The following UMAD1 variants were observed in gnomAD, a reference collection of about 807,000 sequenced individuals.
The protein encoded by UMAD1 is UBAP1-MVB12-associated (UMA) domain containing 1, also known as UBAP1-MVB12-associated (UMA)-domain containing protein 1.
UMAD1 carries 8 observed loss-of-function variants against 6.1 expected under a neutral mutation model. The ratio of observed to expected loss-of-function variants is 1.30; its 90% CI spans 0.76 to 2.35. The LOEUF is 2.35. Ranked by LOEUF, UMAD1 falls within the 30% of genes most tolerant of loss-of-function variation. UMAD1 has a pLI of 0.00. For synonymous variants in UMAD1, 56 were observed against 31.4 expected (o/e 1.78, Z -2.61); for missense variants, 130 against 78.4 (o/e 1.66, Z -2.49).
chr7:7,785,635 G>A (rs1012136641), intron 2 of UMAD1, among the ~76,000 whole-genome samples: 2 of 152,226 alleles, frequency 1.3e-5, no homozygotes, highest in African/African-American at 4.8e-5. Context: ...TTGCGTGGCC[G>A]CTTGTGGAAA....
At chr7:7,768,377 A>G (rs1782036000) in intron 2 of UMAD1, among the ~76,000 whole-genome samples, 1 of 152,170 alleles carries the variant, frequency 6.6e-6, no homozygotes, top group South Asian at 2.1e-4. Flanking sequence ...ATTTGGGCTT[A>G]CTTGTCCCAC....
rs577557251 is a variant in UMAD1, at chr7:7,798,409, G to C, written c.83-3261G>C. Among the ~76,000 whole-genome samples the C allele has an allele frequency of 4.6e-5, 7 of 152,264 alleles. No homozygotes were observed. The South Asian group carries it at 1.4e-3, about 32-fold the overall frequency. Reference sequence around the variant, plus strand: ...GATAATTTTTACATCTTGTAAAATTGTTTCCAGCCTTAAAAACTTCCTGAA... The same window carrying C: ...GATAATTTTTACATCTTGTAAAATTCTTTCCAGCCTTAAAAACTTCCTGAA... On this transcript the variant is annotated intron_variant, in intron 2 of 3. Coordinates refer to ENST00000682710, the MANE Select transcript of UMAD1 (RefSeq NM_001302348.2).
Position 7,767,892 on chromosome 7 carries a change from A to G in UMAD1, c.83-33778A>G, listed in dbSNP as rs1052962078. ...ACTGCCTTATATCCTTAAATACTGTATATGCTTTCTTGCTTCTTCATTCTA... is the reference window on the plus strand; with the variant it reads ...ACTGCCTTATATCCTTAAATACTGTGTATGCTTTCTTGCTTCTTCATTCTA... On this transcript the variant is annotated intron_variant, in intron 2 of 3. Coordinates refer to ENST00000682710, the MANE Select transcript of UMAD1 (RefSeq NM_001302348.2). 8.5e-5 allele frequency among the ~76,000 whole-genome samples: 13 copies of G among 152,246 alleles called. No individual in the cohort carries two copies. The East Asian group carries it at 2.5e-3, about 29-fold the overall frequency.
At chr7:7,811,052 T>G (rs977758114) in intron 3 of UMAD1, among the ~76,000 whole-genome samples, 1 of 152,194 alleles carries the variant, frequency 6.6e-6, no homozygotes, top group African/African-American at 2.4e-5. Context: ...GTCAATGTCA[T>G]TGAATCACTT....
intron 2 of UMAD1, among the ~76,000 whole-genome samples, chr7:7,700,387 A>G (rs1780429733): frequency 6.6e-6 from 1 of 152,196 alleles, no homozygotes; most frequent in Admixed American, 6.6e-5. Context: ...AGGGAACACA[A>G]ATATTCAGTG....
intron 2 of UMAD1, among the ~76,000 whole-genome samples, chr7:7,703,632 G>T (rs185295484): frequency 3.1e-4 from 47 of 152,242 alleles, no homozygotes; most frequent in Admixed American, 1.6e-3. Context: ...CAGGGCCAAA[G>T]TTCAGTTCCT....
At chr7:7,756,077 A>C (rs1781769692) in intron 2 of UMAD1, among the ~76,000 whole-genome samples, 1 of 152,248 alleles carries the variant, frequency 6.6e-6, no homozygotes, top group African/African-American at 2.4e-5. Flanking sequence ...AGACTTAATC[A>C]GAAAGAAAGG....
chr7:7,817,429 A>G (rs572368250), intron 3 of UMAD1, among the ~76,000 whole-genome samples: 196 of 152,358 alleles, frequency 1.3e-3, no homozygotes, highest in African/African-American at 4.5e-3. Context: ...CTTAACCATG[A>G]AAAGCTCTAA....
intron 1 of UMAD1, among the ~76,000 whole-genome samples, chr7:7,644,291 T>C (rs998080264): frequency 1.1e-4 from 16 of 152,092 alleles, no homozygotes; most frequent in Non-Finnish European, 1.9e-4. Context: ...TAGTGAGATA[T>C]TGTAATGGTA....
At chr7:7,684,767 T>C (rs1780000922) in intron 2 of UMAD1, among the ~76,000 whole-genome samples, 1 of 152,224 alleles carries the variant, frequency 6.6e-6, no homozygotes. Flanking sequence ...ACCCGTAAAC[T>C]TTTCAAACCA....
At chr7:7,675,596 T>C (rs1471431910) in intron 2 of UMAD1, among the ~76,000 whole-genome samples, 1 of 152,172 alleles carries the variant, frequency 6.6e-6, no homozygotes, top group Admixed American at 6.5e-5. Context: ...AACTTCCAAA[T>C]TTCGTATTTT....
intron 2 of UMAD1, among the ~76,000 whole-genome samples, chr7:7,784,732 T>G (rs937979925): frequency 6.6e-6 from 1 of 151,632 alleles, no homozygotes; most frequent in East Asian, 1.9e-4. Context: ...TGAATATGTT[T>G]TACATTAGCT....
intron 3 of UMAD1, among the ~76,000 whole-genome samples, chr7:7,836,446 C>G (rs1324818888): frequency 1.3e-5 from 2 of 151,854 alleles, no homozygotes; most frequent in African/African-American, 4.8e-5. Flanking sequence ...CTGTTTCATG[C>G]TATAATTTAT....
intron 3 of UMAD1, among the ~76,000 whole-genome samples, chr7:7,837,496 C>G (rs1783592752): frequency 6.6e-6 from 1 of 152,092 alleles, no homozygotes; most frequent in South Asian, 2.1e-4. Flanking sequence ...ATTCTAAAGT[C>G]CTTGCTTTAT....
chr7:7,786,437 C>A (rs562131227), intron 2 of UMAD1, among the ~76,000 whole-genome samples: 5 of 152,120 alleles, frequency 3.3e-5, no homozygotes, highest in Non-Finnish European at 5.9e-5. Flanking sequence ...TGGTGCACAG[C>A]TCCTGTTCGT....
intron 3 of UMAD1, among the ~76,000 whole-genome samples, chr7:7,859,347 T>G (rs1784073758): frequency 6.6e-6 from 1 of 152,232 alleles, no homozygotes; most frequent in Non-Finnish European, 1.5e-5. Context: ...TTTATGTTTC[T>G]TACCATAATC....
chr7:7,770,099 A>G (rs1315143159), intron 2 of UMAD1, among the ~76,000 whole-genome samples: 1 of 152,142 alleles, frequency 6.6e-6, no homozygotes, highest in Non-Finnish European at 1.5e-5. Flanking sequence ...CGCTGTTCTC[A>G]GGCAGTCAGC....
chr7:7,658,206 T>G (rs1304245873), intron 1 of UMAD1, among the ~76,000 whole-genome samples: 14 of 152,252 alleles, frequency 9.2e-5, no homozygotes, highest in Non-Finnish European at 2.1e-4. Flanking sequence ...TAAGGAGATT[T>G]TGGGCTGAGA....
At chr7:7,742,485 C>T (rs1045254946) in intron 2 of UMAD1, 5 of 525,516 alleles carry the variant, frequency 9.5e-6, no homozygotes, top group Non-Finnish European at 1.9e-5. Context: ...TCAACACTGC[C>T]TTCTTGGCCT....
Sources: allele counts gnomAD v4.1 joint callset (sites outside exome capture counted in the v4.1 genomes callset), GRCh38; gene constraint gnomAD v4.1.1; transcripts MANE v1.5; gene names NCBI Gene and HGNC (gene_info 2026-07-23, HGNC 2026-07-21).